Variants in SULF1 observed in about 807,000 individuals in gnomAD.
The protein encoded by SULF1 is extracellular sulfatase Sulf-1.
A neutral mutation model predicts 110.5 loss-of-function variants in SULF1; 46 were observed. The ratio of observed to expected loss-of-function variants is 0.42; its 90% CI spans 0.33 to 0.53. The LOEUF is 0.53. SULF1 is among the 20% of genes least tolerant of loss of function. SULF1 has a pLI of 0.12. For missense variants in SULF1, 941 were observed against 1,094.2 expected (o/e 0.86, Z 1.98); for synonymous variants, 371 against 387.1 (o/e 0.96, Z 0.49).
intron 13 of SULF1, among the ~76,000 whole-genome samples, chr8:69,612,572 T>C (rs1425562780): frequency 1.3e-5 from 2 of 152,216 alleles, no homozygotes; most frequent in East Asian, 3.8e-4. Context: ...GGTATCTCAT[T>C]GTGGTTTTAA....
chr8:69,543,410 T>C (rs1360947317), intron 3 of SULF1, among the ~76,000 whole-genome samples: 1 of 151,980 alleles, frequency 6.6e-6, no homozygotes, highest in Admixed American at 6.6e-5. Context: ...TGTGTGCTGT[T>C]TCCCTCCCTG....
chr8:69,534,668 A>C (rs918082615), intron 3 of SULF1, among the ~76,000 whole-genome samples: 1 of 152,170 alleles, frequency 6.6e-6, no homozygotes, highest in African/African-American at 2.4e-5. Context: ...AAACGACTTA[A>C]TTATAATACT....
intron 3 of SULF1, among the ~76,000 whole-genome samples, chr8:69,508,574 T>C (rs1258070752): frequency 6.6e-6 from 1 of 152,192 alleles, no homozygotes; most frequent in Non-Finnish European, 1.5e-5. Flanking sequence ...ACACTAGCAC[T>C]GAAAATACAG....
chr8:69,628,574 T>C (rs1298853485), intron 18 of SULF1, among the ~76,000 whole-genome samples: 5 of 152,164 alleles, frequency 3.3e-5, no homozygotes, highest in Non-Finnish European at 7.4e-5. Context: ...CTCGATGCAG[T>C]TGGTGTTCTA....
At chr8:69,642,256 C>G in intron 22 of SULF1, 1 of 987,156 alleles carries the variant, frequency 1.0e-6, no homozygotes, top group African/African-American at 1.7e-5. Context: ...TGTTCGGCCC[C>G]TCTAACCTCC....
In SULF1 at chr8:69,564,374, G is replaced by A. The variant is rs570035160; in HGVS notation, c.172+227G>A. ...ATGGTCGGGGAAGGGGCCTGGGGGA[G>A]TAGGACAATGGAGAAAGAGGGTCAG... On this transcript the variant is annotated intron_variant, in intron 5 of 22. Coordinates refer to ENST00000402687, the MANE Select transcript of SULF1 (RefSeq NM_001128205.2). Among the ~76,000 whole-genome samples, 17 of 152,316 alleles carry A rather than the reference G, an allele frequency of 1.1e-4. 2 individuals carry two copies. The South Asian group carries it at 3.5e-3, about 32-fold the overall frequency.
chr8:69,628,277 G>A, intron 18 of SULF1, 41 bp downstream of exon 18: 1 of 1,562,754 alleles, frequency 6.4e-7, no homozygotes, highest in Non-Finnish European at 8.8e-7. Flanking sequence ...GGGAGTCAAT[G>A]ACTGTCCACC....
intron 3 of SULF1, among the ~76,000 whole-genome samples, chr8:69,529,566 G>A (rs1316753189): frequency 6.6e-6 from 1 of 152,176 alleles, no homozygotes; most frequent in African/African-American, 2.4e-5. Context: ...GAGCGGCTTG[G>A]CTGGATGGTT....
At chr8:69,620,656 G>A (rs1157785024) in intron 13 of SULF1, among the ~76,000 whole-genome samples, 1 of 152,206 alleles carries the variant, frequency 6.6e-6, no homozygotes, top group Admixed American at 6.5e-5. Context: ...TGTTTTTCCA[G>A]AGCAAGAGGG....
At chr8:69,626,725 C>A (rs976841445) in intron 15 of SULF1, among the ~76,000 whole-genome samples, 1 of 152,256 alleles carries the variant, frequency 6.6e-6, no homozygotes, top group Admixed American at 6.5e-5. Context: ...TGCTAAGCCC[C>A]TCACTGCCCG....
At chr8:69,553,397 C>T (rs758499274) in intron 3 of SULF1, among the ~76,000 whole-genome samples, 7 of 152,164 alleles carry the variant, frequency 4.6e-5, no homozygotes, top group Non-Finnish European at 7.4e-5. Flanking sequence ...AAACAAAGAT[C>T]AGAGAGAACC....
At chr8:69,615,769 A>C (rs13259261) in intron 13 of SULF1, among the ~76,000 whole-genome samples, 41,897 of 151,986 alleles carry the variant, frequency 0.28, 6,977 homozygotes, top group East Asian at 0.47. Context: ...ATAGGAAACC[A>C]ACAAAGAATT....
rs190289890 is a variant in SULF1, at chr8:69,594,239, C to T, written c.734+5098C>T. Among the ~76,000 whole-genome samples the T allele has an allele frequency of 3.8e-3, 571 of 152,170 alleles. 1 individual carries two copies. The highest frequency in any genetic ancestry group is 0.013 in the African/African-American group (523 of 41,530). On this transcript the variant is annotated intron_variant, in intron 8 of 22. Transcript: ENST00000402687. The stretch of plus-strand genomic sequence containing the variant: ...GCTAATTTTGTATTTTTAGTGGAAA[C>T]GGGTTTTCTCCATGTTGTTCAGGCT...
chr8:69,541,904 A>C (rs531418715), intron 3 of SULF1, among the ~76,000 whole-genome samples: 65 of 152,366 alleles, frequency 4.3e-4, no homozygotes, highest in Non-Finnish European at 4.0e-4. Context: ...TTTGTAGATC[A>C]CTGAAAATAT....
At chr8:69,488,135 G>C (rs2150550233), upstream of SULF1, among the ~76,000 whole-genome samples, 1 of 152,272 alleles carries the variant, frequency 6.6e-6, no homozygotes, top group African/African-American at 2.4e-5. Flanking sequence ...TAAATCTCAT[G>C]AATAGGAGAA....
intron 3 of SULF1, among the ~76,000 whole-genome samples, chr8:69,560,320 G>A (rs538890995): frequency 6.8e-6 from 1 of 147,666 alleles, no homozygotes; most frequent in Non-Finnish European, 1.5e-5. Context: ...CTATCCAGTT[G>A]GCTGGACATC....
chr8:69,503,162 A>G (rs1382358929), intron 3 of SULF1, among the ~76,000 whole-genome samples: 3 of 152,310 alleles, frequency 2.0e-5, no homozygotes, highest in East Asian at 3.9e-4. Context: ...TACTTATCGA[A>G]TTAAACATTT....
rs562816610 is a variant in SULF1 at position 69,638,580 on chromosome 8, T to C, written c.2363T>C (p.Phe788Ser). ...CLRTVNETHN[F>S]LFCEFATGFL... ...CGTACAGTTAATGAGACGCATAATT[T>C]TCTTTTCTGTGAGTTTGCTACTGGC... The change falls in exon 20 of 23, where the codon TTT (phenylalanine) becomes TCT (serine). Residue 788 changes from phenylalanine to serine, a missense_variant. Phe to Ser is a radical substitution (Grantham distance 155). Transcript: ENST00000402687. 6.2e-7 allele frequency: 1 copy of C among 1,614,170 alleles called. No individual in the cohort carries two copies. The highest frequency in any genetic ancestry group is 1.3e-5 in the African/African-American group (1 of 75,068).
chr8:69,653,641 G>A (rs1812516933), intron 22 of SULF1, among the ~76,000 whole-genome samples: 1 of 152,102 alleles, frequency 6.6e-6, no homozygotes, highest in Admixed American at 6.5e-5. Flanking sequence ...TTGCATCATT[G>A]GCCATTGGTA....
Sources: allele counts gnomAD v4.1 joint callset (sites outside exome capture counted in the v4.1 genomes callset), GRCh38; gene constraint gnomAD v4.1.1; transcripts MANE v1.5; gene names NCBI Gene and HGNC (gene_info 2026-07-23, HGNC 2026-07-21).